VBP1: variants seen among roughly 807,000 people sequenced by gnomAD.
The protein encoded by VBP1 is prefoldin subunit 3.
Under a neutral mutation model 15.5 loss-of-function variants are expected in VBP1, and 4 were observed. The observed-to-expected ratio is 0.26, with a 90% CI of 0.13 to 0.59. The LOEUF (loss-of-function observed/expected upper bound fraction) is 0.59. Among genes scored for constraint, VBP1 ranks in the 20% least tolerant of loss-of-function variants. VBP1 has a pLI of 0.90. For missense variants in VBP1, 108 were observed against 139.6 expected (o/e 0.77, Z 1.14); for synonymous variants, 61 against 52.1 (o/e 1.17, Z -0.74).
chrX:155,208,357 G>A (rs2074633057), intron 1 of VBP1, among the ~76,000 whole-genome samples: 1 of 112,578 alleles, frequency 8.9e-6, no homozygotes, highest in Non-Finnish European at 1.9e-5. Context: ...TTGACCTGAT[G>A]TGCTTGCGCT....
chrX:155,224,251 G>A (rs782805344), intron 2 of VBP1, among the ~76,000 whole-genome samples: 21 of 112,669 alleles, frequency 1.9e-4, no homozygotes, highest in African/African-American at 6.7e-4. Context: ...CAAGGCAGGC[G>A]GCTGGGAGGT....
At chrX:155,219,763 A>G (rs2074680124) in intron 1 of VBP1, among the ~76,000 whole-genome samples, 1 of 111,520 alleles carries the variant, frequency 9.0e-6, no homozygotes, top group Non-Finnish European at 1.9e-5. Context: ...AATTAGCTAT[A>G]TAATATATAT....
chrX:155,236,866 C>T (rs2074775988), intron 5 of VBP1, among the ~76,000 whole-genome samples: 1 of 112,264 alleles, frequency 8.9e-6, no homozygotes, highest in African/African-American at 3.2e-5. Flanking sequence ...TTAAGGGTCT[C>T]CTATGTTCCT....
intron 1 of VBP1, among the ~76,000 whole-genome samples, chrX:155,217,805 G>A (rs2074672125): frequency 9.0e-6 from 1 of 111,374 alleles, no homozygotes. Context: ...GGGCACTTGA[G>A]TAACTTGCCC....
In VBP1 at chrX:155,201,406, T is replaced by C. The variant is rs1301789609; in HGVS notation, c.-31+4267T>C. 4.2e-4 allele frequency among the ~76,000 whole-genome samples: 42 copies of C among 99,035 alleles called. 1 individual carries two copies. The Admixed American group carries it at 4.4e-3, about 10-fold the overall frequency. 86.0% of individuals were successfully genotyped at this position (99,035 alleles called of 115,157 possible). On this transcript the variant is annotated intron_variant, in intron 1 of 6. Transcript: ENST00000535916. ...ATCCAGCAGCACATCAAAAAGCTTA[T>C]CCACCATGATCAAGTGGGCTTCATC...
intron 4 of VBP1, among the ~76,000 whole-genome samples, chrX:155,233,119 TC>T (rs781986766): frequency 1.8e-5 from 2 of 112,439 alleles, no homozygotes; most frequent in South Asian, 3.7e-4. Context: ...ATCCATTATC[TC>T]CTAGCTGTAT....
chrX:155,228,391 C>T lies in VBP1; in HGVS notation c.293C>T (p.Thr98Ile). 4 of 1,203,092 alleles carry T rather than the reference C, an allele frequency of 3.3e-6. No individual in the cohort carries two copies. The highest frequency in any genetic ancestry group is 3.4e-6 in the Non-Finnish European group (3 of 891,306). ...TTTTTTTTTGTTTTGAAGGAGTCCACCAACTCAATGGAGACCAGATTCTTG... is the reference window on the plus strand; with the variant it reads ...TTTTTTTTTGTTTTGAAGGAGTCCATCAACTCAATGGAGACCAGATTCTTG... ...LKYMQKKKESTNSMETRFLLA... is the reference protein window; with the variant it reads ...LKYMQKKKESINSMETRFLLA... The change falls in exon 4 of 6, where the codon ACC becomes ATC. Residue 98 changes from threonine (T) to isoleucine (I), a missense_variant. Transcript: ENST00000286428.
In VBP1 at chrX:155,238,864, T is replaced by C. The variant is rs782551624; in HGVS notation, c.*22T>C. 6 of 1,170,496 alleles carry C rather than the reference T, an allele frequency of 5.1e-6. No individual in the cohort carries two copies. The Admixed American group carries it at 1.4e-4, about 28-fold the overall frequency. On this transcript the variant is annotated 3_prime_UTR_variant, in exon 6 of 6. Coordinates refer to ENST00000286428, the MANE Select transcript of VBP1 (RefSeq NM_003372.7). Reference sequence around the variant, plus strand: ...ATAATGCTGGCAATTAAAAATGTGGTTTAGTTTTCCAAACATGTTATCTTA... The same window carrying C: ...ATAATGCTGGCAATTAAAAATGTGGCTTAGTTTTCCAAACATGTTATCTTA...
Position 155,238,954 on chromosome X carries a change from A to G in VBP1, c.*112A>G. The G allele has an allele frequency of 2.1e-6, 1 of 485,616 alleles. No individual in the cohort carries two copies. Among genetic ancestry groups the G allele is most frequent in the Non-Finnish European group, 3.2e-6 (1 of 312,749 alleles). 40.0% of individuals were successfully genotyped at this position (485,616 alleles called of 1,213,427 possible). On this transcript the variant is annotated 3_prime_UTR_variant, in exon 6 of 6. Transcript: ENST00000286428. ...GTTTTAACAGCAAGAATTTTAAGAAAAGATAAACACCATTTTATTTATTTA... is the reference window on the plus strand; with the variant it reads ...GTTTTAACAGCAAGAATTTTAAGAAGAGATAAACACCATTTTATTTATTTA...
intron 2 of VBP1, among the ~76,000 whole-genome samples, chrX:155,226,559 G>C (rs1358275534): frequency 8.9e-6 from 1 of 111,976 alleles, no homozygotes. Context: ...AAATTATACT[G>C]TATCATAATG....
At chrX:155,207,725 C>T (rs1557308177) in intron 1 of VBP1, among the ~76,000 whole-genome samples, 2 of 111,492 alleles carry the variant, frequency 1.8e-5, no homozygotes, top group Non-Finnish European at 3.8e-5. Context: ...TTTTAAGATC[C>T]AAGTGCTAGA....
chrX:155,222,654 A>T (rs1557309703), intron 2 of VBP1, among the ~76,000 whole-genome samples: 3 of 111,814 alleles, frequency 2.7e-5, no homozygotes. Flanking sequence ...CAGGATACTC[A>T]CTCTAGCTTA....
chrX:155,220,196 C>T lies in VBP1; in HGVS notation c.107C>T (p.Ser36Phe). The T allele has an allele frequency of 8.4e-7, 1 of 1,196,048 alleles. No individual in the cohort carries two copies. Among genetic ancestry groups the T allele is most frequent in the Non-Finnish European group, 1.1e-6 (1 of 887,695 alleles). Residue 36 changes from serine to phenylalanine, a missense_variant, in exon 2 of 6, where the codon TCC (serine) becomes TTC (phenylalanine). Transcript: ENST00000286428. ...PEAVFVEDVD[S>F]FMKQPGNETA... is the part of the protein sequence containing the mutation. The stretch of plus-strand genomic sequence containing the variant: ...TTGATATTAAAGGAAGATGTAGATT[C>T]CTTCATGAAACAGCCTGGGAATGAG...
chrX:155,214,750 TTTTTTTTTTTTCTTTTCC>T (rs1183044728), upstream of VBP1, among the ~76,000 whole-genome samples: 1 of 90,685 alleles, frequency 1.1e-5, no homozygotes, highest in Non-Finnish European at 2.1e-5. Context: ...AGAGGAAGGT[TTTTTTTTTTTTCTTTTCC>T]TTTTTTTTTT....
chrX:155,232,919 C>T (rs2074753968), intron 4 of VBP1, among the ~76,000 whole-genome samples: 1 of 112,654 alleles, frequency 8.9e-6, no homozygotes, highest in South Asian at 3.6e-4. Context: ...AACCTGGAAA[C>T]AACCCAAATG....
At position 155,227,347 on chromosome X, in the gene VBP1, A is replaced by C. The variant is rs1557310351; in HGVS notation, c.285+46A>C. 5 of 963,485 alleles carry C rather than the reference A, an allele frequency of 5.2e-6. No homozygotes were observed. The South Asian group carries it at 9.2e-5, about 18-fold the overall frequency. The allele number at this position is 963,485 out of a possible 1,213,427, so 79.4% of individuals were successfully genotyped here. Reference sequence around the variant, plus strand: ...AAATATGAGCAAGCTAGGATATGTCAGCAGAAACTCGTCTTCTTTGACTCT... The same window carrying C: ...AAATATGAGCAAGCTAGGATATGTCCGCAGAAACTCGTCTTCTTTGACTCT... On this transcript the variant is annotated intron_variant, in intron 3 of 5. Coordinates refer to ENST00000286428, the MANE Select transcript of VBP1 (RefSeq NM_003372.7).
At position 155,234,119 on chromosome X, in the gene VBP1, T is replaced by G. The variant is rs2074759867; in HGVS notation, c.385-2110T>G. 5.8e-5 allele frequency among the ~76,000 whole-genome samples: 5 copies of G among 85,524 alleles called. No individual in the cohort carries two copies. In the South Asian group the frequency reaches 2.7e-3, roughly 46 times the overall value. The allele number at this position is 85,524 out of a possible 115,157, so 74.3% of individuals were successfully genotyped here. ...TTTAGTTGTTCCTCTGTTTTTTTTT[T>G]TTTTTTTTTTTTTTTTTTTGAGACA... On this transcript the variant is annotated intron_variant, in intron 4 of 5. Coordinates refer to ENST00000286428, the MANE Select transcript of VBP1 (RefSeq NM_003372.7).
intron 2 of VBP1, among the ~76,000 whole-genome samples, chrX:155,209,161 C>A (rs2074636406): frequency 1.8e-5 from 2 of 112,279 alleles, no homozygotes; most frequent in Non-Finnish European, 3.8e-5. Flanking sequence ...CTGTGCAGAC[C>A]TGGTGCAGAC....
At chrX:155,236,555 A>G (rs1383131847) in intron 5 of VBP1, among the ~76,000 whole-genome samples, 188 bp downstream of exon 5, 1 of 112,086 alleles carries the variant, frequency 8.9e-6, no homozygotes, top group Non-Finnish European at 1.9e-5. Flanking sequence ...ACAAACCTGC[A>G]CATCCTGCAC....
Sources: allele counts gnomAD v4.1 joint callset (sites outside exome capture counted in the v4.1 genomes callset), GRCh38; gene constraint gnomAD v4.1.1; transcripts MANE v1.5; gene names NCBI Gene and HGNC (gene_info 2026-07-23, HGNC 2026-07-21).